Variants in DYNC2H1 observed in about 807,000 individuals in gnomAD.
The protein encoded by DYNC2H1 is cytoplasmic dynein 2 heavy chain 1.
Under a neutral mutation model 570.0 loss-of-function variants are expected in DYNC2H1, and 410 were observed. The observed-to-expected ratio is 0.72, with a 90% confidence interval of 0.66 to 0.78. The LOEUF is 0.78. Ranked by LOEUF, DYNC2H1 falls within the 30% of genes least tolerant of loss-of-function variation. The probability of loss-of-function intolerance (pLI) is 0.00; values close to 1 mark genes in which losing one functional copy is unlikely to be tolerated. For missense variants in DYNC2H1, 4,865 were observed against 5,046.4 expected, an observed-to-expected ratio of 0.96 and a Z score of 1.09; for synonymous variants, 1,688 against 1,677.6, an observed-to-expected ratio of 1.01 and a Z score of -0.15.
intron 83 of DYNC2H1, among the ~76,000 whole-genome samples, chr11:103,381,317 A>C (rs1275454067): frequency 6.6e-6 from 1 of 152,194 alleles, no homozygotes; most frequent in Non-Finnish European, 1.5e-5. Context: ...AAACATGTGG[A>C]CTTTTCATAG....
At chr11:103,376,608 T>C (rs994690416) in intron 83 of DYNC2H1, among the ~76,000 whole-genome samples, 1 of 152,224 alleles carries the variant, frequency 6.6e-6, no homozygotes, top group African/African-American at 2.4e-5. Flanking sequence ...TTTATATTTG[T>C]GTTATCTTGA....
chr11:103,459,392 T>C (rs1005944411), intron 87 of DYNC2H1, among the ~76,000 whole-genome samples: 2 of 151,832 alleles, frequency 1.3e-5, no homozygotes, highest in African/African-American at 4.8e-5. Flanking sequence ...GTATTACTAC[T>C]ATTTTCTAAC....
intron 87 of DYNC2H1, among the ~76,000 whole-genome samples, chr11:103,467,560 C>A (rs930367098): frequency 6.7e-6 from 1 of 148,914 alleles, no homozygotes. Context: ...TGTTTTGAGG[C>A]GGAGTCTCAC....
In DYNC2H1 at chr11:103,214,303, C is replaced by T. The variant is rs187657047; in HGVS notation, c.8695-1418C>T. On this transcript the variant is annotated intron_variant, in intron 54 of 88. Transcript: ENST00000375735. ...CTCAGGATTGCTTTGGCTATTCAGG[C>T]TCTTTTGTGGTTTCAAACAAATTTT... Among the ~76,000 whole-genome samples the T allele has an allele frequency of 2.9e-3, 439 of 152,144 alleles. 6 individuals carry two copies. The highest frequency in any genetic ancestry group is 1.3e-3 in the Non-Finnish European group (91 of 68,006).
At chr11:103,348,798 G>A (rs1186512335) in intron 82 of DYNC2H1, among the ~76,000 whole-genome samples, 1 of 152,106 alleles carries the variant, frequency 6.6e-6, no homozygotes, top group African/African-American at 2.4e-5. Flanking sequence ...TATCCCCCAT[G>A]TGTCAAGGGA....
chr11:103,137,943 G>A lies in DYNC2H1; in HGVS notation c.2574+1995G>A, dbSNP rs372364131. Among the ~76,000 whole-genome samples the A allele has an allele frequency of 5.8e-3, 872 of 149,952 alleles. 10 individuals are homozygous for A. The highest frequency in any genetic ancestry group is 0.018 in the African/African-American group (749 of 41,030). ...AGTTCTCCTTGAAGAGGTCCTTCAC[G>A]TCCCTTGTAAGTTGGATTCCTAGGT... On this transcript the variant is annotated intron_variant, in intron 17 of 88. Transcript: ENST00000375735.
chr11:103,453,615 C>T (rs1944681791), intron 85 of DYNC2H1, among the ~76,000 whole-genome samples: 1 of 136,608 alleles, frequency 7.3e-6, no homozygotes, highest in African/African-American at 2.9e-5. Flanking sequence ...TTAGTTTAGA[C>T]ATATATATAT....
rs148908346 is a variant in DYNC2H1, at chr11:103,125,407, C to T, written c.1857+112C>T. ...TTTTAGGCTCATAGAATAGCACTGCCAGCTGTGAAATTATGTTTTACTAAA... is the reference window on the plus strand; with the variant it reads ...TTTTAGGCTCATAGAATAGCACTGCTAGCTGTGAAATTATGTTTTACTAAA... On this transcript the variant is annotated intron_variant, in intron 12 of 88. Coordinates refer to ENST00000375735, the MANE Select transcript of DYNC2H1 (RefSeq NM_001377.3). 9 of 776,154 alleles carry T rather than the reference C, an allele frequency of 1.2e-5. No individual in the cohort carries two copies. In the African/African-American group the frequency reaches 1.6e-4, roughly 14 times the overall value. The allele number at this position is 776,154 out of a possible 1,614,324, so 48.1% of individuals were successfully genotyped here.
At chr11:103,389,607 C>G (rs1305661281) in intron 83 of DYNC2H1, among the ~76,000 whole-genome samples, 2 of 152,076 alleles carry the variant, frequency 1.3e-5, no homozygotes, top group African/African-American at 4.8e-5. Context: ...AATTTTGGAT[C>G]TTTCCTGCTT....
At chr11:103,346,647 A>G (rs2135498961) in intron 82 of DYNC2H1, among the ~76,000 whole-genome samples, 1 of 152,280 alleles carries the variant, frequency 6.6e-6, no homozygotes, top group African/African-American at 2.4e-5. Flanking sequence ...TTGATTTTCA[A>G]ACTTTTATTA....
chr11:103,222,392 T>C (rs1021755948), intron 58 of DYNC2H1, among the ~76,000 whole-genome samples: 3 of 152,218 alleles, frequency 2.0e-5, no homozygotes, highest in African/African-American at 7.2e-5. Context: ...CTGCTGTTAA[T>C]GTTCTCAGCT....
intron 84 of DYNC2H1, among the ~76,000 whole-genome samples, chr11:103,413,447 T>C (rs1427778444): frequency 6.6e-6 from 1 of 152,214 alleles, no homozygotes; most frequent in Non-Finnish European, 1.5e-5. Flanking sequence ...TGAAATTTGA[T>C]ACTCTCATCC....
chr11:103,287,656 T>C lies in DYNC2H1; in HGVS notation c.11095+51T>C, dbSNP rs75152676. 1,425 of 1,442,574 alleles carry C rather than the reference T, an allele frequency of 9.9e-4. 13 individuals are homozygous for C. In the African/African-American group the frequency reaches 0.018, roughly 19 times the overall value. 89.4% of individuals were successfully genotyped at this position (1,442,574 alleles called of 1,614,324 possible). On this transcript the variant is annotated intron_variant, in intron 75 of 88. Coordinates refer to ENST00000375735, the MANE Select transcript of DYNC2H1 (RefSeq NM_001377.3). ...AGACCACTGACCTGAATTATTTGTT[T>C]TTAATTTACCTTTCATTTTATGTTA...
chr11:103,237,999 T>C (rs17100155), intron 63 of DYNC2H1, among the ~76,000 whole-genome samples: 2,836 of 152,244 alleles, frequency 0.019, 85 homozygotes, highest in African/African-American at 0.063. Flanking sequence ...ACAAAAATCA[T>C]TGGAAACATT....
At position 103,115,150 on chromosome 11, in the gene DYNC2H1, AT is replaced by A. The variant is rs35346761; in HGVS notation, c.503-20del. The A allele has an allele frequency of 4.9e-5, 76 of 1,541,788 alleles. No homozygotes were observed. The East Asian group carries it at 5.9e-4, about 12-fold the overall frequency. ...TTTTTTTTCTCTGATATTCTATGCCATTTTTTTCCCCTCTTGACTTTTATAG... is the reference window on the plus strand; with the variant it reads ...TTTTTTTTCTCTGATATTCTATGCCATTTTTTCCCCTCTTGACTTTTATAG... On this transcript the variant is annotated intron_variant, in intron 3 of 88. Transcript: ENST00000375735.
intron 17 of DYNC2H1, among the ~76,000 whole-genome samples, chr11:103,137,220 C>A (rs778574615): frequency 2.0e-5 from 3 of 148,674 alleles, no homozygotes; most frequent in Non-Finnish European, 3.0e-5. Flanking sequence ...TGCAGAAGCT[C>A]TTTAGTTGAA....
intron 85 of DYNC2H1, among the ~76,000 whole-genome samples, chr11:103,445,812 C>T (rs1944403322): frequency 6.6e-6 from 1 of 152,084 alleles, no homozygotes; most frequent in African/African-American, 2.4e-5. Flanking sequence ...CCATCATGCC[C>T]GGCTAATTTT....
chr11:103,424,273 T>TA (rs34349361), intron 84 of DYNC2H1, among the ~76,000 whole-genome samples: 84,307 of 151,826 alleles, frequency 0.56, 24,053 homozygotes, highest in East Asian at 0.72. Context: ...AAACATTTTT[T>TA]AAATCACAAT....
chr11:103,361,392 G>A (rs1409499109), intron 83 of DYNC2H1, among the ~76,000 whole-genome samples: 2 of 152,166 alleles, frequency 1.3e-5, no homozygotes, highest in African/African-American at 4.8e-5. Flanking sequence ...CTTGATCTTA[G>A]ACTTCTCATA....
Sources: gnomAD v4.1 joint callset for allele counts (sites outside exome capture counted in the v4.1 genomes callset) on GRCh38, gnomAD v4.1.1 for gene constraint, MANE v1.5 for transcripts, NCBI Gene and HGNC (gene_info 2026-07-23, HGNC 2026-07-21) for gene names.